Variants in KIF11 observed in about 807,000 individuals in gnomAD.
KIF11 encodes the protein kinesin-like protein KIF11.
In KIF11, 9 loss-of-function variants were observed where a neutral mutation model predicts 121.0. That is an observed-to-expected ratio of 0.07 (90% CI 0.04 to 0.13). The LOEUF (loss-of-function observed/expected upper bound fraction) is 0.13. Among genes scored for constraint, KIF11 ranks in the 10% least tolerant of loss-of-function variants. The pLI is 1.00. For synonymous variants in KIF11, 408 were observed against 421.0 expected (o/e 0.97, Z 0.38); for missense variants, 846 against 1,217.5 (o/e 0.69, Z 4.54).
chr10:92,603,538 A>C (rs1844398601), intron 1 of KIF11, among the ~76,000 whole-genome samples: 1 of 152,064 alleles, frequency 6.6e-6, no homozygotes, highest in South Asian at 2.1e-4. Flanking sequence ...TTTAGTAGAG[A>C]TGAGGTTTCA....
chr10:92,602,040 A>G (rs961530608), intron 1 of KIF11, among the ~76,000 whole-genome samples: 1 of 152,026 alleles, frequency 6.6e-6, no homozygotes, highest in Non-Finnish European at 1.5e-5. Flanking sequence ...GGTTTCCTTC[A>G]TTCTGTTAAT....
intron 20 of KIF11, 24 bp downstream of exon 20, chr10:92,650,010 A>G: frequency 6.4e-7 from 1 of 1,562,986 alleles, no homozygotes; most frequent in Non-Finnish European, 8.8e-7. Context: ...ATCATATTTT[A>G]TAATAGAACT....
chr10:92,602,771 A>G lies in KIF11; in HGVS notation c.78-3494A>G, dbSNP rs192068998. On this transcript the variant is annotated intron_variant, in intron 1 of 21. Transcript: ENST00000260731. ...TTTCATTAATCTCTAAAATTTTCTA[A>G]TTTTCCTTGTGATGTCTTTGAACCC... 2.6e-3 allele frequency among the ~76,000 whole-genome samples: 383 copies of G among 148,378 alleles called. 1 individual carries two copies. The highest frequency in any genetic ancestry group is 9.1e-3 in the African/African-American group (367 of 40,244).
At chr10:92,593,651 C>T (rs1844258309) in intron 1 of KIF11, among the ~76,000 whole-genome samples, 199 bp downstream of exon 1, 1 of 152,138 alleles carries the variant, frequency 6.6e-6, no homozygotes, top group Non-Finnish European at 1.5e-5. Context: ...TTGATTTGAT[C>T]ACTGTTCCAT....
intron 21 of KIF11, among the ~76,000 whole-genome samples, chr10:92,652,243 C>T (rs199682190): frequency 2.0e-5 from 3 of 151,978 alleles, no homozygotes; most frequent in African/African-American, 4.8e-5. Flanking sequence ...CGGGTTCTAG[C>T]GATTCTCTTG....
intron 8 of KIF11, among the ~76,000 whole-genome samples, chr10:92,615,438 A>G (rs574929701): frequency 3.3e-4 from 50 of 151,960 alleles, no homozygotes; most frequent in Middle Eastern, 3.4e-3. Context: ...AAGGTGTCCA[A>G]CTGCCCCTTC....
chr10:92,616,937 T>C (rs934598508), intron 9 of KIF11, 105 bp downstream of exon 9: 1 of 625,796 alleles, frequency 1.6e-6, no homozygotes, highest in East Asian at 2.9e-5. Context: ...AAATTGCCCA[T>C]GGAAGGCTTT....
At position 92,609,767 on chromosome 10, in the gene KIF11, G is replaced by A. The variant is rs148889401; in HGVS notation, c.698+258G>A. Among the ~76,000 whole-genome samples, 185 of 151,964 alleles carry A rather than the reference G, an allele frequency of 1.2e-3. 1 individual carries two copies. The highest frequency in any genetic ancestry group is 4.2e-3 in the African/African-American group (173 of 41,460). On this transcript the variant is annotated intron_variant, in intron 6 of 21. Transcript: ENST00000260731. ...TTTTTCTTTTTTGAGACGAATTTTCGCTCTTGTTACCCAGGCTGGAGTGCA... is the reference window on the plus strand; with the variant it reads ...TTTTTCTTTTTTGAGACGAATTTTCACTCTTGTTACCCAGGCTGGAGTGCA...
chr10:92,646,374 T>G (rs1238419003), intron 18 of KIF11, among the ~76,000 whole-genome samples: 1 of 152,224 alleles, frequency 6.6e-6, no homozygotes, highest in Non-Finnish European at 1.5e-5. Flanking sequence ...AACTTAACGC[T>G]TGCATGAGCC....
Position 92,607,120 on chromosome 10 carries a change from C to T in KIF11, c.309-39C>T. 6.0e-6 allele frequency: 7 copies of T among 1,175,332 alleles called. 1 individual carries two copies. The highest frequency in any genetic ancestry group is 8.9e-6 in the Non-Finnish European group (7 of 782,974). 72.8% of individuals were successfully genotyped at this position (1,175,332 alleles called of 1,614,324 possible). ...TCTATCACTAAGAGTCATATGGGTG[C>T]ATGTTTCTTTTTGATTTAACACTTG... On this transcript the variant is annotated intron_variant, in intron 3 of 21. Coordinates refer to ENST00000260731, the MANE Select transcript of KIF11 (RefSeq NM_004523.4).
At chr10:92,606,200 G>GA (rs1269143021) in intron 1 of KIF11, 65 bp from the exon 2 acceptor site, 2 of 1,452,402 alleles carry the variant, frequency 1.4e-6, no homozygotes, top group African/African-American at 2.9e-5. Context: ...TGTAGTTAGT[G>GA]AAAATGTCAT....
At chr10:92,643,836 A>T (rs774307415) in intron 17 of KIF11, among the ~76,000 whole-genome samples, 5 of 152,060 alleles carry the variant, frequency 3.3e-5, no homozygotes, top group Non-Finnish European at 7.4e-5. Flanking sequence ...TGTGGCTTCT[A>T]TTATACTTCT....
rs770073419 is a variant in KIF11 at position 92,649,968 on chromosome 10, CAAA to C, written c.2905_2907del (p.Lys969del). ...TGATGCTAAACTGTTCAGAAAACAA[CAAA>C]GAAGAGACAATTCCGGTAAATTTAA... On this transcript the variant is annotated inframe_deletion, in exon 20 of 22. Coordinates refer to ENST00000260731, the MANE Select transcript of KIF11 (RefSeq NM_004523.4). 18 of 1,611,008 alleles carry C rather than the reference CAAA, an allele frequency of 1.1e-5. No individual in the cohort carries two copies. In the African/African-American group the frequency reaches 2.4e-4, roughly 21 times the overall value.
At chr10:92,634,867 A>G (rs762228497) in intron 14 of KIF11, among the ~76,000 whole-genome samples, 7 of 152,244 alleles carry the variant, frequency 4.6e-5, no homozygotes, top group Non-Finnish European at 8.8e-5. Flanking sequence ...ACAGTAATAT[A>G]TGATAGTAAT....
At chr10:92,616,220 T>G (rs1424091258) in intron 8 of KIF11, among the ~76,000 whole-genome samples, 12 of 151,812 alleles carry the variant, frequency 7.9e-5, no homozygotes, top group African/African-American at 9.7e-5. Flanking sequence ...TTTTTGTTTT[T>G]TTTTTTTGAG....
rs1047277725 is a variant in KIF11, at chr10:92,593,321, C to T, written c.-55C>T. The T allele has an allele frequency of 3.9e-6, 6 of 1,548,842 alleles. No homozygotes were observed. The African/African-American group carries it at 5.4e-5, about 14-fold the overall frequency. ...CCCTGTCGGCCGCCAAGCCCCTCCG[C>T]CCCTCACAGCGCCCAGGTCCGCGGC... On this transcript the variant is annotated 5_prime_UTR_variant, in exon 1 of 22. Coordinates refer to ENST00000260731, the MANE Select transcript of KIF11 (RefSeq NM_004523.4).
intron 18 of KIF11, among the ~76,000 whole-genome samples, chr10:92,646,541 A>G (rs1171384716): frequency 6.6e-6 from 1 of 152,228 alleles, no homozygotes; most frequent in African/African-American, 2.4e-5. Flanking sequence ...GATTTGTGAT[A>G]GGAAATGTAT....
intron 21 of KIF11, among the ~76,000 whole-genome samples, chr10:92,651,203 T>G (rs1464748090): frequency 6.6e-6 from 1 of 150,766 alleles, no homozygotes; most frequent in Admixed American, 6.6e-5. Flanking sequence ...TTTTTTTGTA[T>G]TTTTAGTAGA....
intron 9 of KIF11, among the ~76,000 whole-genome samples, chr10:92,617,748 T>C (rs2135907667): frequency 6.6e-6 from 1 of 150,856 alleles, no homozygotes; most frequent in East Asian, 1.9e-4. Context: ...TTGTTTTTGT[T>C]TTTTTTTTTG....
Sources: allele counts gnomAD v4.1 joint callset (sites outside exome capture counted in the v4.1 genomes callset), GRCh38; gene constraint gnomAD v4.1.1; transcripts MANE v1.5; gene names NCBI Gene and HGNC (gene_info 2026-07-23, HGNC 2026-07-21).